TMEM45B: variants seen among roughly 807,000 people sequenced by gnomAD.
TMEM45B encodes transmembrane protein 45B.
Under a neutral mutation model 27.3 loss-of-function variants are expected in TMEM45B, and 29 were observed. The ratio of observed to expected loss-of-function variants is 1.06; its 90% CI spans 0.79 to 1.45. The LOEUF (loss-of-function observed/expected upper bound fraction) is 1.45, where lower values mean the gene tolerates loss of function less well. Among genes scored for constraint, TMEM45B ranks in the 40% most tolerant of loss-of-function variants. The probability of loss-of-function intolerance (pLI) is 0.00; values close to 1 mark genes in which losing one functional copy is unlikely to be tolerated. For synonymous variants in TMEM45B, 143 were observed against 134.7 expected (o/e 1.06, Z -0.43); for missense variants, 348 against 343.9 (o/e 1.01, Z -0.09).
chr11:129,858,435 CTAGTT>C (rs1166655997), intron 5 of TMEM45B, 134 bp from the exon 6 acceptor site: 5 of 546,234 alleles, frequency 9.2e-6, no homozygotes, highest in Non-Finnish European at 1.6e-5. Flanking sequence ...CCTAAGAAGT[CTAGTT>C]TATAGACATG....
intron 1 of TMEM45B, among the ~76,000 whole-genome samples, chr11:129,836,626 G>A (rs1359976637): frequency 1.3e-5 from 2 of 152,150 alleles, no homozygotes; most frequent in Non-Finnish European, 2.9e-5. Context: ...AATGCAGTAT[G>A]AGTAATGTCC....
In TMEM45B at chr11:129,855,707, G is replaced by A. The variant is rs747499534; in HGVS notation, c.386-1G>A. 9 of 1,613,938 alleles carry A rather than the reference G, an allele frequency of 5.6e-6. No individual in the cohort carries two copies. Among genetic ancestry groups the A allele is most frequent in the South Asian group, 1.1e-5 (1 of 91,080 alleles). Reference sequence around the variant, plus strand: ...GACAGCTGCCATCTGGTTTGTGGCAGGTTTCCTCTTCTACTACCACGTCCA... The same window carrying A: ...GACAGCTGCCATCTGGTTTGTGGCAAGTTTCCTCTTCTACTACCACGTCCA... On this transcript the variant is annotated splice_acceptor_variant, in intron 3 of 5. Transcript: ENST00000281441. LOFTEE classifies it high-confidence loss of function.
intron 1 of TMEM45B, among the ~76,000 whole-genome samples, chr11:129,825,119 G>T (rs948248164): frequency 1.3e-5 from 2 of 150,300 alleles, no homozygotes; most frequent in Non-Finnish European, 2.9e-5. Context: ...GACTGGCTGC[G>T]GGGTGGAAGA....
intron 1 of TMEM45B, among the ~76,000 whole-genome samples, chr11:129,838,596 T>C (rs1236710605): frequency 6.6e-6 from 1 of 152,104 alleles, no homozygotes; most frequent in Non-Finnish European, 1.5e-5. Flanking sequence ...TTATATAATA[T>C]CTCATAGTAA....
intron 1 of TMEM45B, among the ~76,000 whole-genome samples, chr11:129,819,894 T>C (rs1222381975): frequency 6.6e-6 from 1 of 152,144 alleles, no homozygotes; most frequent in Non-Finnish European, 1.5e-5. Flanking sequence ...ACAGCTTTTC[T>C]GGTAGCCCAC....
At chr11:129,856,704 C>A (rs796683604) in intron 4 of TMEM45B, among the ~76,000 whole-genome samples, 25 of 147,804 alleles carry the variant, frequency 1.7e-4, no homozygotes, top group African/African-American at 6.0e-4. Context: ...GGACTACAGG[C>A]GCCCGCCACC....
chr11:129,852,660 G>C lies in TMEM45B; in HGVS notation c.178G>C (p.Gly60Arg). 6.2e-7 allele frequency: 1 copy of C among 1,601,248 alleles called. No homozygotes were observed. The highest frequency in any genetic ancestry group is 8.5e-7 in the Non-Finnish European group (1 of 1,169,684). The change falls in exon 2 of 6, where the codon GGG (glycine) becomes CGG (arginine). Residue 60 changes from glycine to arginine, a missense_variant and splice_region_variant. Transcript: ENST00000281441. ...AAIRTLFSVT[G>R]ILAEQFVPDG... ...AATTAGGACTTTGTTTTCCGTCACT[G>C]GTAAGAGCAGGGGTCATTTGGTCTA...
intron 1 of TMEM45B, among the ~76,000 whole-genome samples, chr11:129,834,467 T>C (rs1947593908): frequency 7.0e-6 from 1 of 143,508 alleles, no homozygotes; most frequent in Non-Finnish European, 1.5e-5. Flanking sequence ...AATGTGGACA[T>C]TGAAGGTGAT....
chr11:129,839,615 C>T (rs1199112091), intron 1 of TMEM45B, among the ~76,000 whole-genome samples: 1 of 152,230 alleles, frequency 6.6e-6, no homozygotes, highest in Non-Finnish European at 1.5e-5. Flanking sequence ...TCACGGCTCA[C>T]TGCAGCCTCA....
intron 1 of TMEM45B, among the ~76,000 whole-genome samples, chr11:129,834,540 A>T (rs556932173): frequency 4.0e-4 from 61 of 151,348 alleles, no homozygotes; most frequent in Non-Finnish European, 6.6e-4. Context: ...GCTGGGCACC[A>T]TGGCTCACGC....
intron 1 of TMEM45B, among the ~76,000 whole-genome samples, chr11:129,845,518 A>AT (rs775225165): frequency 1.3e-5 from 2 of 152,150 alleles, no homozygotes; most frequent in Admixed American, 1.3e-4. Flanking sequence ...GTAGGAAAAA[A>AT]ATATATATAG....
intron 1 of TMEM45B, among the ~76,000 whole-genome samples, chr11:129,827,373 G>A (rs1003286449): frequency 1.3e-5 from 2 of 152,206 alleles, no homozygotes; most frequent in African/African-American, 4.8e-5. Context: ...GATGCTGAAG[G>A]GAGTCTGTAG....
intron 1 of TMEM45B, among the ~76,000 whole-genome samples, chr11:129,822,991 C>A (rs1039416148): frequency 1.4e-4 from 22 of 152,158 alleles, no homozygotes; most frequent in Admixed American, 2.0e-4. Context: ...CAGGCGCCCA[C>A]CACCATGCCC....
chr11:129,841,060 G>A (rs1231748239), intron 1 of TMEM45B, among the ~76,000 whole-genome samples: 1 of 151,184 alleles, frequency 6.6e-6, no homozygotes, highest in Non-Finnish European at 1.5e-5. Flanking sequence ...CAAAATGCAG[G>A]CAAAAAATTG....
At chr11:129,841,272 T>C (rs1947689068) in intron 1 of TMEM45B, among the ~76,000 whole-genome samples, 1 of 152,172 alleles carries the variant, frequency 6.6e-6, no homozygotes, top group Non-Finnish European at 1.5e-5. Flanking sequence ...TTTGCTGGCT[T>C]AACATGGGAA....
intron 1 of TMEM45B, among the ~76,000 whole-genome samples, chr11:129,850,157 T>G (rs1451663959): frequency 9.4e-6 from 1 of 106,782 alleles, no homozygotes; most frequent in East Asian, 2.2e-4. Flanking sequence ...ACGTTTTTTT[T>G]TTTGTTGATG....
chr11:129,840,123 T>A (rs1565368277), intron 1 of TMEM45B, among the ~76,000 whole-genome samples: 2 of 152,242 alleles, frequency 1.3e-5, no homozygotes, highest in Non-Finnish European at 2.9e-5. Context: ...TAACTCATCC[T>A]CCATCTCCTC....
At chr11:129,846,533 T>C (rs2135588991) in intron 1 of TMEM45B, among the ~76,000 whole-genome samples, 1 of 152,274 alleles carries the variant, frequency 6.6e-6, no homozygotes, top group East Asian at 1.9e-4. Flanking sequence ...ATTCATTCAT[T>C]CCACAAGTAT....
Position 129,815,895 on chromosome 11 carries a change from A to T in TMEM45B, c.-12A>T, listed in dbSNP as rs955139639. On this transcript the variant is annotated 5_prime_UTR_variant, in exon 1 of 6. Coordinates refer to ENST00000281441, the MANE Select transcript of TMEM45B (RefSeq NM_138788.5). ...TGCAGACGGCTGCGAGGCGCTGGGCACAGGTCAGACGTCCGTACCCGCAGG... is the reference window on the plus strand; with the variant it reads ...TGCAGACGGCTGCGAGGCGCTGGGCTCAGGTCAGACGTCCGTACCCGCAGG... The T allele has an allele frequency of 1.5e-6, 2 of 1,300,210 alleles. No individual in the cohort carries two copies. Among genetic ancestry groups the T allele is most frequent in the Non-Finnish European group, 1.9e-6 (2 of 1,032,236 alleles). 80.5% of individuals were successfully genotyped at this position (1,300,210 alleles called of 1,614,324 possible). A position where few individuals can be genotyped will look rare whatever the true frequency, so the allele number is the denominator to read the frequency against.
Sources: allele counts gnomAD v4.1 joint callset (sites outside exome capture counted in the v4.1 genomes callset), GRCh38; gene constraint gnomAD v4.1.1; transcripts MANE v1.5; gene names NCBI Gene and HGNC (gene_info 2026-07-23, HGNC 2026-07-21).